TSHZ1: variants seen among roughly 807,000 people sequenced by gnomAD.
TSHZ1 encodes teashirt homolog 1.
In TSHZ1, 12 loss-of-function variants were observed where a neutral mutation model predicts 67.1. The ratio of observed to expected loss-of-function variants is 0.18; its 90% CI spans 0.11 to 0.29. The LOEUF (loss-of-function observed/expected upper bound fraction) is 0.29, where lower values mean the gene tolerates loss of function less well. Ranked by LOEUF, TSHZ1 falls within the 10% of genes least tolerant of loss-of-function variation. TSHZ1 has a pLI of 1.00. For synonymous variants in TSHZ1, 632 were observed against 622.4 expected, an observed-to-expected ratio of 1.02 and a Z score of -0.23; for missense variants, 1,305 against 1,413.9, an observed-to-expected ratio of 0.92 and a Z score of 1.23.
At chr18:75,284,135 G>A (rs1446718888) in intron 1 of TSHZ1, 1 of 152,664 alleles carries the variant, frequency 6.6e-6, no homozygotes, top group Non-Finnish European at 1.5e-5. Flanking sequence ...AGAAGCTGAG[G>A]CAGTGTTCCT....
intron 1 of TSHZ1, among the ~76,000 whole-genome samples, chr18:75,254,043 C>T (rs1190397288): frequency 6.6e-6 from 1 of 152,196 alleles, no homozygotes; most frequent in African/African-American, 2.4e-5. Context: ...CTGCAGTATT[C>T]CTGTGTTTGG....
chr18:75,212,035 G>C, intron 1 of TSHZ1, 119 bp downstream of exon 1: 1 of 734,678 alleles, frequency 1.4e-6, no homozygotes, highest in Non-Finnish European at 1.8e-6. Flanking sequence ...GGGAGGGGAG[G>C]CCCAGCCTGC....
At chr18:75,220,397 T>C (rs2022831526) in intron 1 of TSHZ1, among the ~76,000 whole-genome samples, 1 of 152,312 alleles carries the variant, frequency 6.6e-6, no homozygotes, top group African/African-American at 2.4e-5. Context: ...TTACTGAGAA[T>C]TGGAATAAAC....
intron 1 of TSHZ1, among the ~76,000 whole-genome samples, chr18:75,213,146 A>T (rs1002900146): frequency 6.6e-6 from 1 of 152,198 alleles, no homozygotes; most frequent in East Asian, 1.9e-4. Flanking sequence ...TAAAGCAGAG[A>T]TTACTGCTAC....
rs533836751 is a variant in TSHZ1 at position 75,280,029 on chromosome 18, CTG to C, written c.41-5417_41-5416del. 1.2e-4 allele frequency among the ~76,000 whole-genome samples: 19 copies of C among 152,332 alleles called. No homozygotes were observed. The East Asian group carries it at 3.5e-3, about 28-fold the overall frequency. ...TATTTATTATCTAGATAGAAAAACA[CTG>C]TAACATTCTTTGAAAAGGATTTTCT... is the stretch of plus-strand genomic sequence containing the variant. On this transcript the variant is annotated intron_variant, in intron 1 of 1. Coordinates refer to ENST00000580243, the MANE Select transcript of TSHZ1 (RefSeq NM_001308210.2).
chr18:75,252,026 T>G (rs1297647006), intron 1 of TSHZ1, among the ~76,000 whole-genome samples: 1 of 152,248 alleles, frequency 6.6e-6, no homozygotes, highest in Non-Finnish European at 1.5e-5. Flanking sequence ...GATATTTGGG[T>G]ATATATTCTT....
chr18:75,232,515 A>G (rs1275430488), intron 1 of TSHZ1, among the ~76,000 whole-genome samples: 1 of 151,964 alleles, frequency 6.6e-6, no homozygotes, highest in East Asian at 1.9e-4. Context: ...ATTGAGAGAG[A>G]TATATATATC....
Position 75,286,501 on chromosome 18 carries a change from C to A in TSHZ1, c.1094C>A (p.Pro365His). Reference protein sequence around the residue: ...ALQDLAPPCSPEPAGMAAEVA... With the variant: ...ALQDLAPPCSHEPAGMAAEVA... ...CAGGACCTGGCGCCCCCCTGCTCCC[C>A]TGAGCCAGCAGGAATGGCCGCAGAG... The change falls in exon 2 of 2, where the codon CCT becomes CAT. Residue 365 changes from proline to histidine, a missense_variant. Pro to His is a moderately conservative substitution (Grantham distance 77). This residue lies in a region of TSHZ1 where 909 missense variants were observed against 961.8 expected (regional missense o/e 0.95). Transcript: ENST00000580243. The surrounding 1 kb of genome is among the most constrained non-coding windows in gnomAD (Gnocchi z 5.1). The A allele has an allele frequency of 6.2e-7, 1 of 1,614,222 alleles. No individual in the cohort carries two copies. The highest frequency in any genetic ancestry group is 8.5e-7 in the Non-Finnish European group (1 of 1,180,052).
intron 1 of TSHZ1, among the ~76,000 whole-genome samples, chr18:75,229,438 C>T (rs1163246327): frequency 6.6e-6 from 1 of 152,210 alleles, no homozygotes; most frequent in Non-Finnish European, 1.5e-5. Context: ...CCCATCGGAG[C>T]ACCTGTCTCT....
chr18:75,240,274 G>A (rs1484403654), intron 1 of TSHZ1, among the ~76,000 whole-genome samples: 1 of 151,990 alleles, frequency 6.6e-6, no homozygotes, highest in African/African-American at 2.4e-5. Context: ...ATTTCTGCCT[G>A]AAAGTGATAT....
At chr18:75,273,761 C>T (rs544039815) in intron 1 of TSHZ1, among the ~76,000 whole-genome samples, 3 of 152,294 alleles carry the variant, frequency 2.0e-5, no homozygotes, top group Non-Finnish European at 4.4e-5. Context: ...TCTTCAGGCA[C>T]ACATTGGCAT....
intron 1 of TSHZ1, among the ~76,000 whole-genome samples, chr18:75,240,734 C>A (rs11659377): frequency 0.015 from 2,320 of 152,260 alleles, 20 homozygotes; most frequent in Non-Finnish European, 0.025. Context: ...CCTGTGACTG[C>A]GTGGACACTC....
chr18:75,286,463 A>G lies in TSHZ1; in HGVS notation c.1056A>G (p.Lys352=). ...TCACCAAACTGGTCCCCTCCACCAA[A>G]AAGCGGGCGCTTCAGGACCTGGCGC... ...PAITKLVPST[K]KRALQDLAPP... Residue 352 remains lysine, a synonymous_variant, in exon 2 of 2, where the codon AAA becomes AAG. Transcript: ENST00000580243. This position sits in a 1 kb window ranked among gnomAD's most constrained non-coding sequence, Gnocchi z 5.1. 1 of 1,614,204 alleles carries G rather than the reference A, an allele frequency of 6.2e-7. No homozygotes were observed. Among genetic ancestry groups the G allele is most frequent in the Non-Finnish European group, 8.5e-7 (1 of 1,180,042 alleles).
chr18:75,285,514 T>A lies in TSHZ1; in HGVS notation c.107T>A (p.Leu36Gln), dbSNP rs2023740038. Residue 36 changes from leucine (L) to glutamine (Q), a missense_variant, in exon 2 of 2, where the codon CTG becomes CAG. This residue lies in a region of TSHZ1 where 358 missense variants were observed against 375.6 expected (regional missense o/e 0.95). Coordinates refer to ENST00000580243, the MANE Select transcript of TSHZ1 (RefSeq NM_001308210.2). ...IDEEHVEDDG[L>Q]SLDIQESEYM... ...GAAGAGCACGTGGAGGATGACGGGC[T>A]GTCTTTGGACATTCAGGAAAGTGAG... 6.5e-7 allele frequency: 1 copy of A among 1,537,404 alleles called. No homozygotes were observed. The highest frequency in any genetic ancestry group is 1.9e-5 in the Admixed American group (1 of 51,494).
chr18:75,217,277 A>C (rs1329726312), intron 1 of TSHZ1, among the ~76,000 whole-genome samples: 1 of 152,248 alleles, frequency 6.6e-6, no homozygotes, highest in Non-Finnish European at 1.5e-5. Flanking sequence ...TGCAAAGAAC[A>C]CTTGCGATAA....
In TSHZ1 at chr18:75,288,687, C is replaced by G; in HGVS notation, c.*46C>G. The G allele has an allele frequency of 6.5e-7, 1 of 1,531,074 alleles. No individual in the cohort carries two copies. Among genetic ancestry groups the G allele is most frequent in the South Asian group, 1.3e-5 (1 of 75,970 alleles). The allele number at this position is 1,531,074 out of a possible 1,614,324, so 94.8% of individuals were successfully genotyped here. A position where few individuals can be genotyped will look rare whatever the true frequency, so the allele number is the denominator to read the frequency against. On this transcript the variant is annotated 3_prime_UTR_variant, in exon 2 of 2. Coordinates refer to ENST00000580243, the MANE Select transcript of TSHZ1 (RefSeq NM_001308210.2). The surrounding 1 kb of genome is among the most constrained non-coding windows in gnomAD (Gnocchi z 4.9). ...CGCGGAACATTGCACTAAACGTCGT[C>G]GAGCTGCACTAGGCCTGGCCTGAGC...
intron 1 of TSHZ1, among the ~76,000 whole-genome samples, chr18:75,216,064 G>T (rs2439255): frequency 6.6e-6 from 1 of 151,918 alleles, no homozygotes; most frequent in Admixed American, 6.6e-5. Context: ...TTTAGGCGCC[G>T]CCTGCGTATG....
At chr18:75,258,922 CA>C (rs2023396369) in intron 1 of TSHZ1, among the ~76,000 whole-genome samples, 1 of 152,140 alleles carries the variant, frequency 6.6e-6, no homozygotes, top group Non-Finnish European at 1.5e-5. Flanking sequence ...ATTATAAAAA[CA>C]GATACTTAAA....
intron 1 of TSHZ1, among the ~76,000 whole-genome samples, chr18:75,266,092 G>A (rs2023487559): frequency 1.3e-5 from 2 of 152,142 alleles, no homozygotes; most frequent in South Asian, 4.2e-4. Context: ...CCCATCCCCG[G>A]GTGAGTGATC....
Sources: gnomAD v4.1 joint callset for allele counts (sites outside exome capture counted in the v4.1 genomes callset) on GRCh38, gnomAD v4.1.1 for gene constraint, gnomAD v4.1.1 regional missense constraint, Gnocchi (gnomAD v3.1) non-coding constraint, MANE v1.5 for transcripts, NCBI Gene and HGNC (gene_info 2026-07-23, HGNC 2026-07-21) for gene names.